Variants in ZBTB24 observed in about 807,000 individuals in gnomAD.
ZBTB24 encodes zinc finger and BTB domain containing 24, also known as zinc finger and BTB domain-containing protein 24.
ZBTB24 carries 32 observed loss-of-function variants against 53.8 expected under a neutral mutation model. That is an observed-to-expected ratio of 0.60 (90% CI 0.45 to 0.80). The LOEUF (loss-of-function observed/expected upper bound fraction) is 0.80. Ranked by LOEUF, ZBTB24 falls within the 30% of genes least tolerant of loss-of-function variation. ZBTB24 has a pLI of 0.00. For synonymous variants in ZBTB24, 297 were observed against 306.7 expected, an observed-to-expected ratio of 0.97 and a Z score of 0.33; for missense variants, 722 against 837.1, an observed-to-expected ratio of 0.86 and a Z score of 1.70.
At chr6:109,467,076 A>G (rs1036059096) in intron 6 of ZBTB24, among the ~76,000 whole-genome samples, 7 of 152,244 alleles carry the variant, frequency 4.6e-5, no homozygotes, top group African/African-American at 7.2e-5. Context: ...AGAAAACATC[A>G]AATTTAATAC....
chr6:109,477,070 C>T, intron 2 of ZBTB24, 140 bp from the exon 3 acceptor site: 1 of 1,246,854 alleles, frequency 8.0e-7, no homozygotes, highest in Non-Finnish European at 1.1e-6. Context: ...GAGACATCAG[C>T]AATAAAATTT....
At position 109,481,517 on chromosome 6, in the gene ZBTB24, T is replaced by C. The variant is rs1187427508; in HGVS notation, c.510A>G (p.Thr170=). The C allele has an allele frequency of 6.2e-7, 1 of 1,614,242 alleles. No homozygotes were observed. Among genetic ancestry groups the C allele is most frequent in the Admixed American group, 1.7e-5 (1 of 60,024 alleles). Residue 170 remains threonine (T), a synonymous_variant, in exon 2 of 7, where the codon ACA becomes ACG. Transcript: ENST00000230122. ...CCAGTTCTGATTTCTCCTCCTGCAA[T>C]GTATTGACTTTTTTTGGTCTTCCCC... ...RKRGRPKKVN[T]LQEEKSELAA...
chr6:109,482,120 T>G, intron 1 of ZBTB24, 66 bp from the exon 2 acceptor site: 3 of 1,090,828 alleles, frequency 2.8e-6, no homozygotes, highest in East Asian at 2.5e-5. Context: ...CCAGCCCACA[T>G]GAACTTCCTA....
In ZBTB24 at chr6:109,476,324, A is replaced by C. The variant is rs534759810; in HGVS notation, c.1121-66T>G. On this transcript the variant is annotated intron_variant, in intron 3 of 6. Coordinates refer to ENST00000230122, the MANE Select transcript of ZBTB24 (RefSeq NM_014797.3). ...TAAAGAACTGGAATGCTCACTAATA[A>C]GGTAAATACTACAGTGGGTCCAGGT... 8.4e-6 allele frequency: 13 copies of C among 1,547,256 alleles called. No individual in the cohort carries two copies. The East Asian group carries it at 2.9e-4, about 35-fold the overall frequency.
intron 4 of ZBTB24, among the ~76,000 whole-genome samples, chr6:109,475,890 A>C (rs1281024118): frequency 6.6e-6 from 1 of 152,256 alleles, no homozygotes; most frequent in Non-Finnish European, 1.5e-5. Flanking sequence ...ACCACTAACA[A>C]CCATTCACTG....
chr6:109,482,676 T>G (rs1582685565), intron 1 of ZBTB24, among the ~76,000 whole-genome samples: 1 of 151,964 alleles, frequency 6.6e-6, no homozygotes, highest in African/African-American at 2.4e-5. Flanking sequence ...AGGGTCTACC[T>G]TCTATAAAAT....
rs1406871746 is a variant in ZBTB24 at position 109,481,908 on chromosome 6, G to A, written c.119C>T (p.Thr40Ile). 2 of 1,614,074 alleles carry A rather than the reference G, an allele frequency of 1.2e-6. No homozygotes were observed. The highest frequency in any genetic ancestry group is 1.7e-6 in the Non-Finnish European group (2 of 1,180,028). ...GAAATGTACATTCTCCACGATTAAA[G>A]TAATGTCACAGAGGAAGCCTTTCTT... ...QRKKGFLCDI[T>I]LIVENVHFRA... Residue 40 changes from threonine to isoleucine, a missense_variant, in exon 2 of 7, where the codon ACT becomes ATT. Coordinates refer to ENST00000230122, the MANE Select transcript of ZBTB24 (RefSeq NM_014797.3).
rs774939127 is a variant in ZBTB24, at chr6:109,476,263, C to CA, written c.1121-6dup. ...CACAGGTAAAAGACTTCTGTCCTGC[C>CA]AAAAAAACCAAAACACTAAAACATG... On this transcript the variant is annotated splice_polypyrimidine_tract_variant and splice_region_variant and intron_variant, in intron 3 of 6. Coordinates refer to ENST00000230122, the MANE Select transcript of ZBTB24 (RefSeq NM_014797.3). 15 of 1,612,960 alleles carry CA rather than the reference C, an allele frequency of 9.3e-6. No homozygotes were observed. In the African/African-American group the frequency reaches 1.9e-4, roughly 20 times the overall value.
intron 5 of ZBTB24, among the ~76,000 whole-genome samples, chr6:109,470,169 G>A (rs965342129): frequency 3.3e-5 from 5 of 152,184 alleles, no homozygotes; most frequent in African/African-American, 1.2e-4. Context: ...AAAGAAGTGT[G>A]TTACAAGAGG....
chr6:109,475,376 G>A, intron 5 of ZBTB24, 23 bp downstream of exon 5: 1 of 1,613,526 alleles, frequency 6.2e-7, no homozygotes, highest in Non-Finnish European at 8.5e-7. Flanking sequence ...TGTACTGGGG[G>A]GACAGACGAG....
At chr6:109,482,498 GT>G (rs773867934) in intron 1 of ZBTB24, among the ~76,000 whole-genome samples, 131 of 144,180 alleles carry the variant, frequency 9.1e-4, no homozygotes, top group Non-Finnish European at 1.5e-3. Context: ...TTAGCTCGCG[GT>G]TTTTTTTTTT....
chr6:109,477,363 C>A (rs967013225), intron 2 of ZBTB24, among the ~76,000 whole-genome samples: 1 of 152,124 alleles, frequency 6.6e-6, no homozygotes, highest in Admixed American at 6.6e-5. Flanking sequence ...GTTGCCCAGG[C>A]AGGTCTCCAA....
intron 5 of ZBTB24, among the ~76,000 whole-genome samples, chr6:109,471,200 T>G (rs937319848): frequency 6.6e-6 from 1 of 152,248 alleles, no homozygotes; most frequent in Non-Finnish European, 1.5e-5. Flanking sequence ...CCATGATAAC[T>G]GTGGATAGCA....
intron 4 of ZBTB24, 29 bp from the exon 5 acceptor site, chr6:109,475,511 T>C: frequency 1.9e-6 from 3 of 1,610,448 alleles, no homozygotes; most frequent in Non-Finnish European, 2.5e-6. Context: ...AAAGTGTCAG[T>C]GCATACATGC....
rs1272547091 is a variant in ZBTB24 at position 109,464,335 on chromosome 6, C to G, written c.*1516G>C. On this transcript the variant is annotated 3_prime_UTR_variant, in exon 7 of 7. Transcript: ENST00000230122. Reference sequence around the variant, plus strand: ...CTGAAGAATTCTCTATTACTCTAACCTCCAAATAACTTATTTGATTTAGGG... The same window carrying G: ...CTGAAGAATTCTCTATTACTCTAACGTCCAAATAACTTATTTGATTTAGGG... 6.6e-6 allele frequency: 1 copy of G among 152,082 alleles called. No individual in the cohort carries two copies. Among genetic ancestry groups the G allele is most frequent in the Non-Finnish European group, 1.5e-5 (1 of 68,022 alleles). The allele number at this position is 152,082 out of a possible 1,614,324, so 9.4% of individuals were successfully genotyped here.
At position 109,483,139 on chromosome 6, in the gene ZBTB24, C is replaced by G. The variant is rs1010356266; in HGVS notation, c.-70G>C. ...AGACCCACGCCGGGGCCCGCTGGCC[C>G]TCCGCTCCGCCCCGCCCGCCTCTGG... On this transcript the variant is annotated 5_prime_UTR_variant, in exon 1 of 7. Transcript: ENST00000230122. 6.6e-5 allele frequency: 10 copies of G among 152,274 alleles called. No homozygotes were observed. The highest frequency in any genetic ancestry group is 2.4e-4 in the African/African-American group (10 of 41,538). 9.4% of individuals were successfully genotyped at this position (152,274 alleles called of 1,614,324 possible). A position where few individuals can be genotyped will look rare whatever the true frequency, so the allele number is the denominator to read the frequency against.
At position 109,465,675 on chromosome 6, in the gene ZBTB24, C is replaced by T; in HGVS notation, c.*176G>A. On this transcript the variant is annotated 3_prime_UTR_variant, in exon 7 of 7. Transcript: ENST00000230122. ...ATACAAATCAGTACCTTAGACAAGA[C>T]ATACACACATCTTGCTACCTGGATG... 6.3e-7 allele frequency: 1 copy of T among 1,588,448 alleles called. No homozygotes were observed. The highest frequency in any genetic ancestry group is 1.1e-5 in the South Asian group (1 of 89,672).
intron 5 of ZBTB24, among the ~76,000 whole-genome samples, chr6:109,470,609 C>T (rs1016641538): frequency 2.0e-5 from 3 of 152,364 alleles, no homozygotes; most frequent in South Asian, 4.1e-4. Flanking sequence ...ACCTCCCATT[C>T]CCTCAGCTGT....
Position 109,481,386 on chromosome 6 carries a change from T to G in ZBTB24, c.641A>C (p.Lys214Thr), listed in dbSNP as rs762413371. ...AGTAGGCTCCGATTCTTCCTTTTCTTTTGCTGCAATTTGCTCATTCAGTAC... is the reference window on the plus strand; with the variant it reads ...AGTAGGCTCCGATTCTTCCTTTTCTGTTGCTGCAATTTGCTCATTCAGTAC... ...SGVLNEQIAA[K>T]EKEESEPTCE... Residue 214 changes from lysine to threonine, a missense_variant, in exon 2 of 7, where the codon AAA becomes ACA. By Grantham distance (78) the Lys-to-Thr change is moderately conservative. Transcript: ENST00000230122. 11 of 1,614,196 alleles carry G rather than the reference T, an allele frequency of 6.8e-6. No individual in the cohort carries two copies. The South Asian group carries it at 1.2e-4, about 18-fold the overall frequency.
Sources: allele counts gnomAD v4.1 joint callset (sites outside exome capture counted in the v4.1 genomes callset), GRCh38; gene constraint gnomAD v4.1.1; transcripts MANE v1.5; gene names NCBI Gene and HGNC (gene_info 2026-07-23, HGNC 2026-07-21).